The following IL5RA variants were observed in gnomAD, a reference collection of about 807,000 sequenced individuals.
The protein encoded by IL5RA is interleukin-5 receptor subunit alpha.
Under a neutral mutation model 50.0 loss-of-function variants are expected in IL5RA, and 49 were observed. The ratio of observed to expected loss-of-function variants is 0.98; its 90% confidence interval spans 0.78 to 1.24. The LOEUF (loss-of-function observed/expected upper bound fraction) is 1.24, where lower values mean the gene tolerates loss of function less well. Ranked by LOEUF, IL5RA falls within the 50% of genes most tolerant of loss-of-function variation. The pLI, the probability that IL5RA is intolerant of heterozygous loss-of-function variation, is 0.00. For synonymous variants in IL5RA, 202 were observed against 174.0 expected (o/e 1.16, Z -1.26); for missense variants, 600 against 500.4 (o/e 1.20, Z -1.90).
intron 9 of IL5RA, among the ~76,000 whole-genome samples, chr3:3,090,849 A>C (rs1349379804): frequency 6.6e-6 from 1 of 152,102 alleles, no homozygotes; most frequent in East Asian, 1.9e-4. Context: ...CTGGGATTAC[A>C]GGAGTGAGCC....
chr3:3,095,825 A>G (rs903931963), intron 7 of IL5RA, among the ~76,000 whole-genome samples: 2 of 151,960 alleles, frequency 1.3e-5, no homozygotes, highest in Middle Eastern at 3.2e-3. Flanking sequence ...ACCTTCCACC[A>G]AGCCTTGCCT....
At chr3:3,100,832 A>T (rs1703611097) in intron 5 of IL5RA, among the ~76,000 whole-genome samples, 1 of 152,044 alleles carries the variant, frequency 6.6e-6, no homozygotes, top group Non-Finnish European at 1.5e-5. Context: ...ATTGGCTGGT[A>T]TGTGGTCTAG....
intron 4 of IL5RA, 128 bp from the exon 5 acceptor site, chr3:3,101,958 G>A: frequency 1.2e-6 from 1 of 864,278 alleles, no homozygotes; most frequent in South Asian, 1.9e-5. Flanking sequence ...AGTTTTGCTA[G>A]AAAAAAAGTC....
intron 9 of IL5RA, chr3:3,090,256 C>T (rs1265126884): frequency 2.5e-6 from 4 of 1,588,922 alleles, no homozygotes; most frequent in African/African-American, 1.4e-5. Context: ...TCTTGAGAAC[C>T]CTAGGAAACA....
At chr3:3,078,003 C>T (rs918870351) in intron 9 of IL5RA, among the ~76,000 whole-genome samples, 1 of 152,138 alleles carries the variant, frequency 6.6e-6, no homozygotes, top group Non-Finnish European at 1.5e-5. Flanking sequence ...GTACAAATTA[C>T]TGGGATTCAG....
chr3:3,081,950 C>A (rs369614070), intron 9 of IL5RA, among the ~76,000 whole-genome samples: 1 of 152,116 alleles, frequency 6.6e-6, no homozygotes, highest in Admixed American at 6.6e-5. Flanking sequence ...CAACCAAGGT[C>A]GGCTTTTCCT....
At chr3:3,072,568 TAC>T (rs1702338717) in intron 11 of IL5RA, among the ~76,000 whole-genome samples, 1 of 152,218 alleles carries the variant, frequency 6.6e-6, no homozygotes, top group African/African-American at 2.4e-5. Flanking sequence ...GGAAATTAGA[TAC>T]CAGCATTAAG....
In IL5RA at chr3:3,083,679, C is replaced by G. The variant is rs138996915; in HGVS notation, c.995-7052G>C. ...TAAGGGGTTGCTGGGCCTATTTTAT[C>G]AACCTGCTAAAGCAGATGAAAGCTG... On this transcript the variant is annotated intron_variant, in intron 9 of 11. Transcript: ENST00000446632. Among the ~76,000 whole-genome samples the G allele has an allele frequency of 1.4e-3, 215 of 152,342 alleles. 2 individuals are homozygous for G. Among genetic ancestry groups the G allele is most frequent in the African/African-American group, 5.0e-3 (206 of 41,588 alleles).
At chr3:3,074,569 G>A (rs1702412704) in intron 11 of IL5RA, among the ~76,000 whole-genome samples, 1 of 152,122 alleles carries the variant, frequency 6.6e-6, no homozygotes, top group Non-Finnish European at 1.5e-5. Flanking sequence ...AGGTGTTTGA[G>A]ACCAGCCTGG....
intron 1 of IL5RA, among the ~76,000 whole-genome samples, chr3:3,109,355 C>G (rs1006811968): frequency 6.6e-6 from 1 of 152,172 alleles, no homozygotes; most frequent in East Asian, 1.9e-4. Flanking sequence ...TAAAGTGCCT[C>G]TCTCTACTTT....
At chr3:3,081,546 G>A (rs1164259582) in intron 9 of IL5RA, among the ~76,000 whole-genome samples, 1 of 152,166 alleles carries the variant, frequency 6.6e-6, no homozygotes, top group Non-Finnish European at 1.5e-5. Context: ...AATTATCAGG[G>A]TCACACTGTC....
chr3:3,072,880 C>T (rs1378944369), intron 11 of IL5RA, among the ~76,000 whole-genome samples: 1 of 152,144 alleles, frequency 6.6e-6, no homozygotes, highest in Non-Finnish European at 1.5e-5. Context: ...CCACTGCACT[C>T]CAGCTTGGGT....
chr3:3,084,668 C>T (rs776453096), intron 9 of IL5RA, among the ~76,000 whole-genome samples: 3 of 152,210 alleles, frequency 2.0e-5, no homozygotes, highest in Non-Finnish European at 4.4e-5. Context: ...GAGTAATAGC[C>T]CCCGGGGCAA....
chr3:3,092,623 C>T lies in IL5RA; in HGVS notation c.856-261G>A, dbSNP rs985545531. On this transcript the variant is annotated intron_variant, in intron 8 of 11. Coordinates refer to ENST00000446632, the MANE Select transcript of IL5RA (RefSeq NM_175726.4). The surrounding 1 kb of genome is among the most constrained non-coding windows in gnomAD (Gnocchi z 4.2). Reference sequence around the variant, plus strand: ...AGATCCAGGTGTTCCTATCCAGGCCCAGCTGATGTTTCCAGACTGAAAGAC... The same window carrying T: ...AGATCCAGGTGTTCCTATCCAGGCCTAGCTGATGTTTCCAGACTGAAAGAC... Among the ~76,000 whole-genome samples the T allele has an allele frequency of 6.6e-6, 1 of 152,204 alleles. No individual in the cohort carries two copies. Among genetic ancestry groups the T allele is most frequent in the Non-Finnish European group, 1.5e-5 (1 of 68,034 alleles).
At chr3:3,104,815 A>G in intron 3 of IL5RA, 88 bp downstream of exon 3, 1 of 763,704 alleles carries the variant, frequency 1.3e-6, no homozygotes, top group Non-Finnish European at 2.2e-6. Flanking sequence ...ATAATGTTCT[A>G]ATCGACAGTT....
rs570286100 is a variant in IL5RA, at chr3:3,085,702, G to A, written c.994+6522C>T. 4.8e-4 allele frequency among the ~76,000 whole-genome samples: 73 copies of A among 152,186 alleles called. 1 individual carries two copies. The highest frequency in any genetic ancestry group is 3.3e-3 in the South Asian group (16 of 4,824). Reference sequence around the variant, plus strand: ...AGAAAAAGGCACAGGAGTTTCTCTGGGGTGGCCTTCCTTCCAGCCCATATT... The same window carrying A: ...AGAAAAAGGCACAGGAGTTTCTCTGAGGTGGCCTTCCTTCCAGCCCATATT... On this transcript the variant is annotated intron_variant, in intron 9 of 11. Transcript: ENST00000446632.
chr3:3,089,989 G>A (rs1247955640), intron 9 of IL5RA: 1 of 500,760 alleles, frequency 2.0e-6, no homozygotes, highest in East Asian at 3.8e-5. Flanking sequence ...ATGCCAGAGT[G>A]TCCAGAGATC....
At position 3,098,162 on chromosome 3, in the gene IL5RA, C is replaced by T. The variant is rs754017427; in HGVS notation, c.496G>A (p.Asp166Asn). 5.0e-6 allele frequency: 8 copies of T among 1,614,112 alleles called. No homozygotes were observed. The South Asian group carries it at 7.7e-5, about 16-fold the overall frequency. Residue 166 changes from aspartate to asparagine, a missense_variant, in exon 6 of 12, where the codon GAC becomes AAC. By Grantham distance (23) the Asp-to-Asn change is conservative. Coordinates refer to ENST00000446632, the MANE Select transcript of IL5RA (RefSeq NM_175726.4). Reference sequence around the variant, plus strand: ...CTATAGTAGAGAAAATACTGCGTGTCCTCAGGGGCATCTGTGCCAACAAGC... The same window carrying T: ...CTATAGTAGAGAAAATACTGCGTGTTCTCAGGGGCATCTGTGCCAACAAGC... ...TWLVGTDAPE[D>N]TQYFLYYRYG...
rs1317120782 is a variant in IL5RA at position 3,109,936 on chromosome 3, C to T, written c.-146+9G>A. 1 of 152,154 alleles carries T rather than the reference C, an allele frequency of 6.6e-6. No homozygotes were observed. Among genetic ancestry groups the T allele is most frequent in the East Asian group, 1.9e-4 (1 of 5,200 alleles). The allele number at this position is 152,154 out of a possible 1,614,324, so 9.4% of individuals were successfully genotyped here. A position where few individuals can be genotyped will look rare whatever the true frequency, so the allele number is the denominator to read the frequency against. On this transcript the variant is annotated intron_variant, in intron 1 of 11. Coordinates refer to ENST00000446632, the MANE Select transcript of IL5RA (RefSeq NM_175726.4). ...TCTGTGGTGAGTGAAGCATTTGATT[C>T]CCACTTACTGAGAAATGCGGTGGCC...
Sources: allele counts gnomAD v4.1 joint callset (sites outside exome capture counted in the v4.1 genomes callset), GRCh38; gene constraint gnomAD v4.1.1; non-coding constraint Gnocchi (gnomAD v3.1); transcripts MANE v1.5; gene names NCBI Gene and HGNC (gene_info 2026-07-23, HGNC 2026-07-21).